Variants in RBFOX1 observed in about 807,000 individuals in gnomAD.
RBFOX1 encodes the protein RNA binding fox-1 homolog 1.
In RBFOX1, 8 loss-of-function variants were observed where a neutral mutation model predicts 57.7. The ratio of observed to expected loss-of-function variants is 0.14; its 90% CI spans 0.08 to 0.25. The LOEUF (loss-of-function observed/expected upper bound fraction) is 0.25. Among genes scored for constraint, RBFOX1 ranks in the 10% least tolerant of loss-of-function variants. RBFOX1 has a pLI of 1.00. For synonymous variants in RBFOX1, 326 were observed against 222.4 expected (o/e 1.47, Z -4.15); for missense variants, 611 against 548.5 (o/e 1.11, Z -1.14).
At chr16:6,593,953 G>C (rs776121078) in intron 2 of RBFOX1, among the ~76,000 whole-genome samples, 56 of 152,230 alleles carry the variant, frequency 3.7e-4, no homozygotes, top group Non-Finnish European at 7.8e-4. Context: ...TGTTCAATTT[G>C]GCGTTTAGGA....
intron 4 of RBFOX1, among the ~76,000 whole-genome samples, chr16:7,156,859 A>G (rs928692078): frequency 6.6e-6 from 1 of 152,168 alleles, no homozygotes; most frequent in Non-Finnish European, 1.5e-5. Context: ...AGATCGATTT[A>G]CTTTTCATAG....
At chr16:6,429,586 T>C (rs2094020683) in intron 2 of RBFOX1, among the ~76,000 whole-genome samples, 2 of 152,190 alleles carry the variant, frequency 1.3e-5, no homozygotes, top group African/African-American at 4.8e-5. Flanking sequence ...CCAAATCTCA[T>C]TTTGAAATGT....
At chr16:6,960,458 C>A (rs547454523) in intron 3 of RBFOX1, among the ~76,000 whole-genome samples, 1 of 152,130 alleles carries the variant, frequency 6.6e-6, no homozygotes, top group African/African-American at 2.4e-5. Flanking sequence ...CCTTGTCTCC[C>A]AGTTCTCGTG....
chr16:6,138,717 A>C lies in RBFOX1; in HGVS notation c.-127+118725A>C, dbSNP rs570434974. ...CCCGTCTCTACTGAAAATACAAAAA[A>C]TTAGCAAGGGTTGGTGGCAGGCACC... On this transcript the variant is annotated intron_variant, in intron 1 of 15. Transcript: ENST00000550418. 7.9e-5 allele frequency among the ~76,000 whole-genome samples: 12 copies of C among 152,234 alleles called. No homozygotes were observed. In the East Asian group the frequency reaches 1.9e-3, roughly 25 times the overall value.
chr16:5,590,531 G>T (rs1239029116), intron 2 of RBFOX1, among the ~76,000 whole-genome samples: 1 of 152,186 alleles, frequency 6.6e-6, no homozygotes, highest in Non-Finnish European at 1.5e-5. Context: ...GAGCTTGGAA[G>T]TTGGCTGCAT....
At chr16:5,709,768 T>C (rs2051383716) in intron 3 of RBFOX1, among the ~76,000 whole-genome samples, 1 of 133,222 alleles carries the variant, frequency 7.5e-6, no homozygotes, top group Non-Finnish European at 1.6e-5. Context: ...ATCTCCCATT[T>C]ATGAAGCCAC....
intron 3 of RBFOX1, among the ~76,000 whole-genome samples, chr16:6,766,416 G>A (rs1013417751): frequency 1.3e-5 from 2 of 152,128 alleles, no homozygotes; most frequent in Non-Finnish European, 2.9e-5. Context: ...AGCCTGGGAG[G>A]CCTTTCAAAG....
At chr16:7,112,969 G>T (rs1599842313) in intron 4 of RBFOX1, among the ~76,000 whole-genome samples, 1 of 152,118 alleles carries the variant, frequency 6.6e-6, no homozygotes, top group South Asian at 2.1e-4. Context: ...CCTCTGTAAG[G>T]CGCTGCCGAA....
intron 4 of RBFOX1, among the ~76,000 whole-genome samples, chr16:7,421,662 T>G (rs1308529663): frequency 6.6e-6 from 1 of 152,238 alleles, no homozygotes; most frequent in East Asian, 1.9e-4. Context: ...ACTCAGTGCT[T>G]ACTGTCCCAT....
At chr16:6,764,192 T>C (rs879859735) in intron 3 of RBFOX1, among the ~76,000 whole-genome samples, 1 of 152,182 alleles carries the variant, frequency 6.6e-6, no homozygotes, top group Non-Finnish European at 1.5e-5. Context: ...TATCTCCCAC[T>C]TGAGCATCTG....
chr16:7,404,588 C>T (rs963173736), intron 4 of RBFOX1, among the ~76,000 whole-genome samples: 1 of 152,218 alleles, frequency 6.6e-6, no homozygotes, highest in Non-Finnish European at 1.5e-5. Flanking sequence ...AAATAATTTA[C>T]ACCTGAGTGA....
rs12926592 is a variant in RBFOX1 at position 6,809,733 on chromosome 16, C to T, written c.-16+155083C>T. ...TTGTCTCTGAATTGGTCTTTCTCAG[C>T]GACAGAGTTATTTATGAGATGGGGC... On this transcript the variant is annotated intron_variant, in intron 3 of 15. Transcript: ENST00000550418. Among the ~76,000 whole-genome samples the T allele has an allele frequency of 2.8e-3, 429 of 152,194 alleles. 2 individuals are homozygous for T. Among genetic ancestry groups the T allele is most frequent in the Non-Finnish European group, 4.0e-3 (274 of 68,018 alleles).
At position 5,899,742 on chromosome 16, in the gene RBFOX1, A is replaced by T. The variant is rs1567687279; in HGVS notation, c.351+32407A>T. 2.6e-5 allele frequency among the ~76,000 whole-genome samples: 4 copies of T among 152,184 alleles called. No homozygotes were observed. In the South Asian group the frequency reaches 8.3e-4, roughly 32 times the overall value. Reference sequence around the variant, plus strand: ...ATTCCAACCCGCCTGGTCCATCCACAGATTCACCTGAATGGGCATGCTGAA... The same window carrying T: ...ATTCCAACCCGCCTGGTCCATCCACTGATTCACCTGAATGGGCATGCTGAA... On this transcript the variant is annotated intron_variant, in intron 4 of 19. Transcript: ENST00000641259.
chr16:7,227,968 C>T (rs997136319), intron 4 of RBFOX1, among the ~76,000 whole-genome samples: 12 of 152,174 alleles, frequency 7.9e-5, no homozygotes, highest in Admixed American at 4.6e-4. Context: ...ACCCTGTGCT[C>T]TGTAGGATGT....
chr16:7,106,341 T>C (rs2063576772), intron 4 of RBFOX1, among the ~76,000 whole-genome samples: 1 of 152,168 alleles, frequency 6.6e-6, no homozygotes, highest in Admixed American at 6.6e-5. Flanking sequence ...TTTAATTAAA[T>C]GGTGAAGCTA....
At chr16:7,112,649 C>T (rs915487286) in intron 4 of RBFOX1, among the ~76,000 whole-genome samples, 1 of 106,752 alleles carries the variant, frequency 9.4e-6, no homozygotes, top group Non-Finnish European at 2.1e-5. Context: ...TAAATGCAGC[C>T]TCAATATGTA....
At chr16:5,957,926 C>A (rs185906519) in intron 4 of RBFOX1, among the ~76,000 whole-genome samples, 33 of 152,256 alleles carry the variant, frequency 2.2e-4, no homozygotes, top group African/African-American at 6.7e-4. Flanking sequence ...CTTTCTGTTA[C>A]TGTACCCGTT....
chr16:5,282,320 T>C (rs1448175643), intron 1 of RBFOX1, among the ~76,000 whole-genome samples: 1 of 152,204 alleles, frequency 6.6e-6, no homozygotes, highest in Admixed American at 6.5e-5. Context: ...CTTTATCAGC[T>C]GTGTGAAAAT....
At chr16:7,362,733 A>G (rs906597315) in intron 4 of RBFOX1, among the ~76,000 whole-genome samples, 4 of 151,848 alleles carry the variant, frequency 2.6e-5, no homozygotes, top group African/African-American at 7.3e-5. Context: ...ATGTTCTTGT[A>G]TATATGTTTT....
Sources: allele counts gnomAD v4.1 joint callset (sites outside exome capture counted in the v4.1 genomes callset), GRCh38; gene constraint gnomAD v4.1.1; transcripts MANE v1.5; gene names NCBI Gene and HGNC (gene_info 2026-07-23, HGNC 2026-07-21).